HS6ST3: variants seen among roughly 807,000 people sequenced by gnomAD.
HS6ST3 encodes heparan sulfate 6-O-sulfotransferase 3, also known as heparan-sulfate 6-O-sulfotransferase 3.
In HS6ST3, 12 loss-of-function variants were observed where a neutral mutation model predicts 36.7. That is an observed-to-expected ratio of 0.33 (90% CI 0.21 to 0.53). The LOEUF (loss-of-function observed/expected upper bound fraction) is 0.53. HS6ST3 is among the 20% of genes least tolerant of loss of function. The pLI is 0.95. For missense variants in HS6ST3, 584 were observed against 640.9 expected (o/e 0.91, Z 0.96); for synonymous variants, 240 against 257.5 (o/e 0.93, Z 0.65).
rs546129319 is a variant in HS6ST3 at position 96,283,123 on chromosome 13, G to A, written c.707+191554G>A. 7.9e-5 allele frequency among the ~76,000 whole-genome samples: 12 copies of A among 152,204 alleles called. No individual in the cohort carries two copies. The South Asian group carries it at 2.3e-3, about 29-fold the overall frequency. On this transcript the variant is annotated intron_variant, in intron 1 of 1. Coordinates refer to ENST00000376705, the MANE Select transcript of HS6ST3 (RefSeq NM_153456.4). ...CTGTCATTTCAGATACGTTGATGAT[G>A]GTGATGCAGAGTGTTTATTTTTCTT...
intron 1 of HS6ST3, among the ~76,000 whole-genome samples, chr13:96,658,257 C>CTCT (rs1359185452): frequency 0.058 from 5,797 of 100,754 alleles, 283 homozygotes; most frequent in Non-Finnish European, 0.079. Flanking sequence ...TCTTCTTCTT[C>CTCT]TCTTCTTCTT....
chr13:96,213,838 T>A (rs1359221565), intron 1 of HS6ST3, among the ~76,000 whole-genome samples: 3 of 152,152 alleles, frequency 2.0e-5, no homozygotes, highest in Non-Finnish European at 4.4e-5. Flanking sequence ...TATTACAGAG[T>A]ATGTGTGTCC....
rs1878926135 is a variant in HS6ST3 at position 96,836,315 on chromosome 13, T to C, written c.*3117T>C. 2 of 152,238 alleles carry C rather than the reference T, an allele frequency of 1.3e-5. No individual in the cohort carries two copies. Among genetic ancestry groups the C allele is most frequent in the South Asian group, 4.1e-4 (2 of 4,834 alleles). 9.4% of individuals were successfully genotyped at this position (152,238 alleles called of 1,614,324 possible). A position where few individuals can be genotyped will look rare whatever the true frequency, so the allele number is the denominator to read the frequency against. On this transcript the variant is annotated 3_prime_UTR_variant, in exon 2 of 2. Transcript: ENST00000376705. ...ATTGGAGATTAGGATGAGACAACTT[T>C]GTGTATATGTGCACGTGTGTGGTGT...
chr13:96,716,905 T>C (rs1566437040), intron 1 of HS6ST3, among the ~76,000 whole-genome samples: 1 of 152,182 alleles, frequency 6.6e-6, no homozygotes, highest in Non-Finnish European at 1.5e-5. Flanking sequence ...AAGTGTAAGA[T>C]CAAGCATGAG....
intron 1 of HS6ST3, among the ~76,000 whole-genome samples, chr13:96,181,352 C>T (rs1465852594): frequency 6.6e-6 from 1 of 152,164 alleles, no homozygotes; most frequent in African/African-American, 2.4e-5. Flanking sequence ...TTTCCTATTG[C>T]GAGTCATTTA....
At chr13:96,215,673 A>AT (rs931769167) in intron 1 of HS6ST3, among the ~76,000 whole-genome samples, 48 of 148,150 alleles carry the variant, frequency 3.2e-4, no homozygotes, top group Non-Finnish European at 4.8e-4. Flanking sequence ...TTTTCCCTTT[A>AT]TTTTTTTTTA....
chr13:96,706,843 C>A (rs1429849221), intron 1 of HS6ST3, among the ~76,000 whole-genome samples: 2 of 152,072 alleles, frequency 1.3e-5, no homozygotes, highest in African/African-American at 4.8e-5. Flanking sequence ...AGATAAGATT[C>A]TTTCTCATTC....
At chr13:96,807,020 G>T (rs1317884846) in intron 1 of HS6ST3, among the ~76,000 whole-genome samples, 2 of 152,180 alleles carry the variant, frequency 1.3e-5, no homozygotes, top group Non-Finnish European at 2.9e-5. Flanking sequence ...CTAATTAGCT[G>T]TGAGACCTTG....
intron 1 of HS6ST3, among the ~76,000 whole-genome samples, chr13:96,693,171 G>T (rs1875016309): frequency 6.6e-6 from 1 of 152,046 alleles, no homozygotes; most frequent in Non-Finnish European, 1.5e-5. Context: ...AAAGTTGATT[G>T]TCCTGTTTCA....
At chr13:96,176,010 G>A (rs575428451) in intron 1 of HS6ST3, among the ~76,000 whole-genome samples, 1 of 152,094 alleles carries the variant, frequency 6.6e-6, no homozygotes, top group Admixed American at 6.6e-5. Context: ...TGTATTTTTA[G>A]TAGAGACGGG....
intron 1 of HS6ST3, among the ~76,000 whole-genome samples, chr13:96,477,699 G>A (rs1187631744): frequency 2.0e-5 from 3 of 151,820 alleles, no homozygotes; most frequent in Admixed American, 1.3e-4. Flanking sequence ...GTGAAACCCC[G>A]TCTCTACTAA....
chr13:96,213,636 G>A (rs2054409957), intron 1 of HS6ST3, among the ~76,000 whole-genome samples: 1 of 151,912 alleles, frequency 6.6e-6, no homozygotes, highest in South Asian at 2.1e-4. Flanking sequence ...AGGGAATGGT[G>A]AACCACATTA....
intron 1 of HS6ST3, among the ~76,000 whole-genome samples, chr13:96,107,745 T>G (rs1452300254): frequency 6.6e-6 from 1 of 152,222 alleles, no homozygotes; most frequent in Non-Finnish European, 1.5e-5. Flanking sequence ...AATACATTTA[T>G]AATTTCTTAC....
chr13:96,166,575 CT>C lies in HS6ST3; in HGVS notation c.707+75023del, dbSNP rs765190619. Reference sequence around the variant, plus strand: ...TTTGCTTTTCTTTCTTTCTTTCTTTCTTTTTTTTTTTTTTTTTGTAGAGACA... The same window carrying C: ...TTTGCTTTTCTTTCTTTCTTTCTTTCTTTTTTTTTTTTTTTTGTAGAGACA... On this transcript the variant is annotated intron_variant, in intron 1 of 1. Coordinates refer to ENST00000376705, the MANE Select transcript of HS6ST3 (RefSeq NM_153456.4). Among the ~76,000 whole-genome samples, 372 of 131,540 alleles carry C rather than the reference CT, an allele frequency of 2.8e-3. 1 individual carries two copies. Among genetic ancestry groups the C allele is most frequent in the African/African-American group, 7.4e-3 (263 of 35,490 alleles). 86.3% of individuals were successfully genotyped at this position (131,540 alleles called of 152,430 possible). A position where few individuals can be genotyped will look rare whatever the true frequency, so the allele number is the denominator to read the frequency against.
At chr13:96,643,584 G>A (rs958469359) in intron 1 of HS6ST3, among the ~76,000 whole-genome samples, 1 of 151,750 alleles carries the variant, frequency 6.6e-6, no homozygotes, top group Non-Finnish European at 1.5e-5. Flanking sequence ...GCACAAAAAG[G>A]CTTTTTAAAG....
At chr13:96,786,539 C>A (rs1047822048) in intron 1 of HS6ST3, among the ~76,000 whole-genome samples, 4 of 152,092 alleles carry the variant, frequency 2.6e-5, no homozygotes, top group African/African-American at 9.7e-5. Flanking sequence ...AATTTAAATT[C>A]AGGCTTGCCC....
At chr13:96,589,409 A>G (rs1420390014) in intron 1 of HS6ST3, among the ~76,000 whole-genome samples, 1 of 151,712 alleles carries the variant, frequency 6.6e-6, no homozygotes. Flanking sequence ...TTTCCAATTT[A>G]TTTGGGTTTT....
intron 1 of HS6ST3, among the ~76,000 whole-genome samples, chr13:96,356,443 A>G (rs1371300817): frequency 2.6e-5 from 4 of 152,182 alleles, no homozygotes; most frequent in Admixed American, 6.5e-5. Flanking sequence ...TCCTTGATCT[A>G]TGGGCTGCAG....
At chr13:96,199,600 G>T (rs1445898226) in intron 1 of HS6ST3, among the ~76,000 whole-genome samples, 1 of 152,054 alleles carries the variant, frequency 6.6e-6, no homozygotes, top group Non-Finnish European at 1.5e-5. Flanking sequence ...TTTTTTGGGG[G>T]TTCTGATTTC....
Sources: allele counts gnomAD v4.1 joint callset (sites outside exome capture counted in the v4.1 genomes callset), GRCh38; gene constraint gnomAD v4.1.1; transcripts MANE v1.5; gene names NCBI Gene and HGNC (gene_info 2026-07-23, HGNC 2026-07-21).